The following TNFRSF10A variants were observed in gnomAD, a reference collection of about 807,000 sequenced individuals.
TNFRSF10A encodes the protein tumor necrosis factor receptor superfamily member 10A.
TNFRSF10A carries 44 observed loss-of-function variants against 42.8 expected under a neutral mutation model. That is an observed-to-expected ratio of 1.03 (90% CI 0.81 to 1.32). TNFRSF10A has a LOEUF of 1.32. TNFRSF10A is among the 40% of genes most tolerant of loss of function. The pLI is 0.00. For synonymous variants in TNFRSF10A, 259 were observed against 234.2 expected, an observed-to-expected ratio of 1.11 and a Z score of -0.97; for missense variants, 680 against 602.0, an observed-to-expected ratio of 1.13 and a Z score of -1.36.
At chr8:23,208,351 G>C (rs1388308809) in intron 2 of TNFRSF10A, among the ~76,000 whole-genome samples, 1 of 152,286 alleles carries the variant, frequency 6.6e-6, no homozygotes, top group East Asian at 1.9e-4. Context: ...TGCTGTAAAA[G>C]GCATTCAGTT....
Position 23,197,187 on chromosome 8 carries a change from T to C in TNFRSF10A, c.1032A>G (p.Glu344=). ...AQCLLGPAEA[E]GSQRRRLLVP... ...CCAGCAGCCTCCTCCTCTGAGACCCTTCAGCTTCTGCCGGTCCCTGTAACA... is the reference window on the plus strand; with the variant it reads ...CCAGCAGCCTCCTCCTCTGAGACCCCTCAGCTTCTGCCGGTCCCTGTAACA... Residue 344 remains glutamate, a synonymous_variant, in exon 9 of 10, where the codon GAA becomes GAG. Transcript: ENST00000221132. 6.2e-7 allele frequency: 1 copy of C among 1,614,140 alleles called. No individual in the cohort carries two copies. The highest frequency in any genetic ancestry group is 8.5e-7 in the Non-Finnish European group (1 of 1,180,002).
At chr8:23,223,540 A>G (rs919947251) in intron 1 of TNFRSF10A, among the ~76,000 whole-genome samples, 3 of 152,266 alleles carry the variant, frequency 2.0e-5, no homozygotes, top group African/African-American at 7.2e-5. Flanking sequence ...CGTGGGTTCC[A>G]CCTAACATAA....
chr8:23,200,627 G>T, intron 5 of TNFRSF10A, 27 bp from the exon 6 acceptor site: 1 of 1,614,072 alleles, frequency 6.2e-7, no homozygotes, highest in Non-Finnish European at 8.5e-7. Flanking sequence ...AAAGACAGGA[G>T]TCTCGGGCTG....
intron 4 of TNFRSF10A, among the ~76,000 whole-genome samples, chr8:23,201,454 T>C (rs1455100497): frequency 6.6e-6 from 1 of 152,234 alleles, no homozygotes; most frequent in African/African-American, 2.4e-5. Context: ...AGCTGGATTC[T>C]ATACCATTAT....
At chr8:23,208,853 T>G (rs1801054813) in intron 2 of TNFRSF10A, among the ~76,000 whole-genome samples, 1 of 152,156 alleles carries the variant, frequency 6.6e-6, no homozygotes, top group Non-Finnish European at 1.5e-5. Flanking sequence ...GAGGAGAAAT[T>G]AAAGATGGCT....
intron 1 of TNFRSF10A, among the ~76,000 whole-genome samples, chr8:23,224,102 G>A (rs917072696): frequency 3.9e-5 from 6 of 151,958 alleles, no homozygotes. Context: ...CGAGGCGGGC[G>A]GATTTGGCTA....
chr8:23,221,178 A>G (rs1489136580), intron 1 of TNFRSF10A, among the ~76,000 whole-genome samples: 10 of 152,182 alleles, frequency 6.6e-5, no homozygotes, highest in Non-Finnish European at 2.9e-5. Flanking sequence ...CAGAGTCCTG[A>G]GTGACTGACA....
At chr8:23,219,749 G>A (rs765463900) in intron 1 of TNFRSF10A, among the ~76,000 whole-genome samples, 10 of 152,272 alleles carry the variant, frequency 6.6e-5, no homozygotes, top group African/African-American at 9.6e-5. Context: ...GACTGTCCCC[G>A]CTCCCTCCAC....
At position 23,207,222 on chromosome 8, in the gene TNFRSF10A, A is replaced by T. The variant is rs1427310067; in HGVS notation, c.404-4461T>A. The stretch of plus-strand genomic sequence containing the variant: ...AGATGTTAAAACCAACAAGCACCAG[A>T]TCAAACAGGTTGTGAAGAAGCTCTA... On this transcript the variant is annotated intron_variant, in intron 2 of 9. Transcript: ENST00000221132. The T allele has an allele frequency of 5.0e-6, 3 of 594,242 alleles. No individual in the cohort carries two copies. The African/African-American group carries it at 5.6e-5, about 11-fold the overall frequency. 36.8% of individuals were successfully genotyped at this position (594,242 alleles called of 1,614,324 possible). A position where few individuals can be genotyped will look rare whatever the true frequency, so the allele number is the denominator to read the frequency against.
chr8:23,190,538 TTA>T lies in TNFRSF10A; in HGVS notation c.*1154_*1155del. ...CTGCCCCCGCCAAAAAAAAGTACTT[TTA>T]TATACAAAAGTCCAAATTTCCAAAG... On this transcript the variant is annotated 3_prime_UTR_variant, in exon 10 of 10. Transcript: ENST00000221132. The T allele has an allele frequency of 6.6e-6, 1 of 152,290 alleles. No homozygotes were observed. Among genetic ancestry groups the T allele is most frequent in the East Asian group, 1.9e-4 (1 of 5,194 alleles). The allele number at this position is 152,290 out of a possible 1,614,324, so 9.4% of individuals were successfully genotyped here. A position where few individuals can be genotyped will look rare whatever the true frequency, so the allele number is the denominator to read the frequency against.
chr8:23,205,813 C>T (rs541764104), intron 2 of TNFRSF10A, among the ~76,000 whole-genome samples: 6 of 149,932 alleles, frequency 4.0e-5, no homozygotes, highest in Non-Finnish European at 7.4e-5. Flanking sequence ...CAGGTTCAAG[C>T]GATTATCCTG....
chr8:23,195,344 T>A (rs1215176183), intron 9 of TNFRSF10A, among the ~76,000 whole-genome samples: 4 of 152,210 alleles, frequency 2.6e-5, no homozygotes, highest in African/African-American at 4.8e-5. Context: ...AGAACTTTTT[T>A]CTTCTTTGCT....
At chr8:23,195,771 A>G (rs928982159) in intron 9 of TNFRSF10A, among the ~76,000 whole-genome samples, 4 of 152,132 alleles carry the variant, frequency 2.6e-5, no homozygotes, top group East Asian at 1.9e-4. Context: ...AAGAAACACA[A>G]TCTTTTAGTA....
chr8:23,192,409 G>A (rs760752640), intron 9 of TNFRSF10A, among the ~76,000 whole-genome samples: 3 of 152,220 alleles, frequency 2.0e-5, no homozygotes, highest in Non-Finnish European at 2.9e-5. Context: ...CATGTCCCAG[G>A]GTGGCCACTT....
chr8:23,196,122 TG>T (rs1301259027), intron 9 of TNFRSF10A, among the ~76,000 whole-genome samples: 1 of 152,166 alleles, frequency 6.6e-6, no homozygotes, highest in Non-Finnish European at 1.5e-5. Context: ...CTACATCCAA[TG>T]GGATGCTGGA....
rs186195364 is a variant in TNFRSF10A, at chr8:23,196,970, G to A, written c.1087+162C>T. Among the ~76,000 whole-genome samples the A allele has an allele frequency of 2.6e-3, 403 of 152,286 alleles. 2 individuals carry two copies. Among genetic ancestry groups the A allele is most frequent in the South Asian group, 0.014 (66 of 4,834 alleles). The stretch of plus-strand genomic sequence containing the variant: ...AGGATGAGGTAGAGTGGGAAGAAGA[G>A]ATGGGAGAAGACAATTTAGGGTCTT... On this transcript the variant is annotated intron_variant, in intron 9 of 9. Coordinates refer to ENST00000221132, the MANE Select transcript of TNFRSF10A (RefSeq NM_003844.4).
At chr8:23,206,111 T>C (rs781577737) in intron 2 of TNFRSF10A, among the ~76,000 whole-genome samples, 3 of 152,188 alleles carry the variant, frequency 2.0e-5, no homozygotes, top group Non-Finnish European at 2.9e-5. Context: ...AATACGAATA[T>C]AAAGAAAGAA....
chr8:23,221,103 G>C (rs568287334), intron 1 of TNFRSF10A, among the ~76,000 whole-genome samples: 1 of 152,332 alleles, frequency 6.6e-6, no homozygotes, highest in East Asian at 1.9e-4. Flanking sequence ...CAGAGAGCCA[G>C]TATGGAGGTG....
chr8:23,218,753 G>A (rs965180197), intron 1 of TNFRSF10A, among the ~76,000 whole-genome samples: 1 of 152,174 alleles, frequency 6.6e-6, no homozygotes, highest in Non-Finnish European at 1.5e-5. Context: ...CACTGCTGCT[G>A]CCCCGAGGGT....
Sources: gnomAD v4.1 joint callset for allele counts (sites outside exome capture counted in the v4.1 genomes callset) on GRCh38, gnomAD v4.1.1 for gene constraint, MANE v1.5 for transcripts, NCBI Gene and HGNC (gene_info 2026-07-23, HGNC 2026-07-21) for gene names.